Variants in RAPGEF6 observed in about 807,000 individuals in gnomAD.
RAPGEF6 encodes Rap guanine nucleotide exchange factor 6, also known as PDZ domain containing guanine nucleotide exchange factor (GEF) 2.
A neutral mutation model predicts 171.4 loss-of-function variants in RAPGEF6; 56 were observed. The observed-to-expected ratio is 0.33, with a 90% CI of 0.26 to 0.41. The LOEUF is 0.41. RAPGEF6 is among the 10% of genes least tolerant of loss of function. RAPGEF6 has a pLI of 1.00. For missense variants in RAPGEF6, 1,674 were observed against 1,921.4 expected (o/e 0.87, Z 2.41); for synonymous variants, 692 against 650.1 (o/e 1.06, Z -0.98).
chr5:131,628,187 C>T (rs899585369), intron 1 of RAPGEF6, among the ~76,000 whole-genome samples: 9 of 152,018 alleles, frequency 5.9e-5, no homozygotes, highest in African/African-American at 2.2e-4. Context: ...CGGCCCAAAG[C>T]CAGGCCTCTT....
chr5:131,585,392 C>T (rs1001135603), intron 4 of RAPGEF6, among the ~76,000 whole-genome samples: 5 of 151,894 alleles, frequency 3.3e-5, no homozygotes, highest in African/African-American at 1.2e-4. Context: ...AATCACTAAG[C>T]TAAAGGGAAA....
At chr5:131,430,692 T>C (rs1304104951) in intron 26 of RAPGEF6, 167 bp downstream of exon 26, 3 of 993,534 alleles carry the variant, frequency 3.0e-6, no homozygotes, top group Non-Finnish European at 4.8e-6. Flanking sequence ...CTCCAAAGTC[T>C]TTGAGAAACC....
intron 21 of RAPGEF6, among the ~76,000 whole-genome samples, chr5:131,449,657 G>A (rs747386699): frequency 7.2e-5 from 11 of 152,154 alleles, no homozygotes; most frequent in African/African-American, 1.2e-4. Context: ...ACTATGGAAA[G>A]AAAAGTATCT....
At chr5:131,583,770 CATACTGGCTCAGA>C (rs1459923109) in intron 4 of RAPGEF6, among the ~76,000 whole-genome samples, 3 of 152,198 alleles carry the variant, frequency 2.0e-5, no homozygotes, top group African/African-American at 7.2e-5. Flanking sequence ...CATGGTTATT[CATACTGGCTCAGA>C]ATAAATCTCT....
At chr5:131,588,749 C>G (rs568198269) in intron 4 of RAPGEF6, among the ~76,000 whole-genome samples, 3 of 151,364 alleles carry the variant, frequency 2.0e-5, no homozygotes. Context: ...TCTTAAAAAA[C>G]AACAACAACA....
At chr5:131,515,140 C>T (rs1481195683) in intron 7 of RAPGEF6, among the ~76,000 whole-genome samples, 2 of 152,168 alleles carry the variant, frequency 1.3e-5, no homozygotes, top group African/African-American at 2.4e-5. Context: ...TAGGTTGGAA[C>T]TAAGAGTTAT....
chr5:131,469,028 A>G (rs965623071), intron 17 of RAPGEF6, among the ~76,000 whole-genome samples: 1 of 152,268 alleles, frequency 6.6e-6, no homozygotes, highest in African/African-American at 2.4e-5. Context: ...ACGTGAACAC[A>G]AAGATTAGGC....
intron 7 of RAPGEF6, among the ~76,000 whole-genome samples, chr5:131,518,419 C>T (rs1323313461): frequency 7.7e-5 from 11 of 143,022 alleles, no homozygotes; most frequent in African/African-American, 2.9e-4. Flanking sequence ...TTTTTGGAGA[C>T]GGAGTTTCAC....
At chr5:131,466,860 G>C (rs780310663) in intron 17 of RAPGEF6, among the ~76,000 whole-genome samples, 20 of 152,182 alleles carry the variant, frequency 1.3e-4, no homozygotes, top group Non-Finnish European at 2.4e-4. Context: ...AATTTGCCAA[G>C]AGAAATATAC....
intron 6 of RAPGEF6, among the ~76,000 whole-genome samples, chr5:131,543,883 C>A (rs576110789): frequency 6.6e-6 from 1 of 152,094 alleles, no homozygotes; most frequent in East Asian, 1.9e-4. Flanking sequence ...AAATTTGTTG[C>A]AAACTTTAAA....
intron 1 of RAPGEF6, among the ~76,000 whole-genome samples, chr5:131,621,979 T>A (rs190955030): frequency 7.4e-4 from 113 of 152,320 alleles, no homozygotes; most frequent in South Asian, 6.2e-3. Flanking sequence ...TGTTTTGCTA[T>A]CTCCTCCCCA....
At chr5:131,483,476 A>G (rs1755640091) in intron 15 of RAPGEF6, among the ~76,000 whole-genome samples, 1 of 152,106 alleles carries the variant, frequency 6.6e-6, no homozygotes, top group African/African-American at 2.4e-5. Context: ...AAAAATAGGG[A>G]CAAAAATGAA....
At chr5:131,607,929 C>G (rs910852145) in intron 1 of RAPGEF6, among the ~76,000 whole-genome samples, 1 of 152,162 alleles carries the variant, frequency 6.6e-6, no homozygotes, top group African/African-American at 2.4e-5. Flanking sequence ...ATATATAAAA[C>G]GTTTTTCATA....
intron 15 of RAPGEF6, among the ~76,000 whole-genome samples, chr5:131,487,221 C>T (rs182445731): frequency 1.1e-4 from 17 of 152,294 alleles, no homozygotes; most frequent in Admixed American, 7.8e-4. Context: ...CGCGGACCTT[C>T]GCGGCGAGTG....
chr5:131,570,686 T>C (rs1390306413), intron 4 of RAPGEF6, among the ~76,000 whole-genome samples: 1 of 152,032 alleles, frequency 6.6e-6, no homozygotes, highest in Non-Finnish European at 1.5e-5. Context: ...AAAAACTAGA[T>C]TAAAAAACTA....
intron 11 of RAPGEF6, among the ~76,000 whole-genome samples, chr5:131,500,504 T>C (rs764838034): frequency 6.6e-6 from 1 of 152,222 alleles, no homozygotes; most frequent in Non-Finnish European, 1.5e-5. Context: ...TCATGCATTC[T>C]AAATTTTATT....
At chr5:131,524,040 C>T (rs1758694205) in intron 6 of RAPGEF6, among the ~76,000 whole-genome samples, 1 of 151,914 alleles carries the variant, frequency 6.6e-6, no homozygotes, top group African/African-American at 2.4e-5. Flanking sequence ...AAATTCTATA[C>T]CTAGCAAAAA....
chr5:131,471,581 T>C (rs751571402), intron 17 of RAPGEF6, among the ~76,000 whole-genome samples: 2 of 152,210 alleles, frequency 1.3e-5, no homozygotes, highest in Non-Finnish European at 2.9e-5. Context: ...GACCCAATTA[T>C]ATGTTTCAGT....
chr5:131,425,061 AAAGC>A lies in RAPGEF6; in HGVS notation c.*2201_*2204del, dbSNP rs1462105045. ...AAGGGATACATACATAACAAACTACAAAGCATTTGGCTTTGGCTCCTGATCAATG... is the reference window on the plus strand; with the variant it reads ...AAGGGATACATACATAACAAACTACAATTTGGCTTTGGCTCCTGATCAATG... On this transcript the variant is annotated 3_prime_UTR_variant, in exon 28 of 28. Coordinates refer to ENST00000509018, the MANE Select transcript of RAPGEF6 (RefSeq NM_016340.6). The A allele has an allele frequency of 3.3e-5, 5 of 152,484 alleles. No individual in the cohort carries two copies. The East Asian group carries it at 9.4e-4, about 29-fold the overall frequency. 9.4% of individuals were successfully genotyped at this position (152,484 alleles called of 1,614,324 possible). A position where few individuals can be genotyped will look rare whatever the true frequency, so the allele number is the denominator to read the frequency against.
Sources: gnomAD v4.1 joint callset for allele counts (sites outside exome capture counted in the v4.1 genomes callset) on GRCh38, gnomAD v4.1.1 for gene constraint, MANE v1.5 for transcripts, NCBI Gene and HGNC (gene_info 2026-07-23, HGNC 2026-07-21) for gene names.